The following DMD variants were observed in gnomAD, a reference collection of about 807,000 sequenced individuals.
The protein encoded by DMD is mutant dystrophin.
A neutral mutation model predicts 330.1 loss-of-function variants in DMD; 63 were observed. That is an observed-to-expected ratio of 0.19 (90% CI 0.16 to 0.24). The LOEUF is 0.24. DMD is among the 10% of genes least tolerant of loss of function. The pLI, the probability that DMD is intolerant of heterozygous loss-of-function variation, is 1.00. For synonymous variants in DMD, 1,223 were observed against 959.8 expected, an observed-to-expected ratio of 1.27 and a Z score of -5.07; for missense variants, 3,344 against 2,684.1, an observed-to-expected ratio of 1.25 and a Z score of -5.43.
At chrX:32,756,543 C>G (rs769521823) in intron 7 of DMD, 4 of 111,240 alleles carry the variant, frequency 3.6e-5, no homozygotes, top group Admixed American at 1.9e-4. Flanking sequence ...TATTATATGT[C>G]TTACGCATCT....
intron 49 of DMD, among the ~76,000 whole-genome samples, chrX:31,836,442 A>G (rs1246487180): frequency 1.8e-5 from 2 of 112,234 alleles, no homozygotes; most frequent in African/African-American, 3.2e-5. Flanking sequence ...AATTTAATCT[A>G]CCTTGAAGGT....
At chrX:31,698,183 C>T (rs918377767) in intron 52 of DMD, among the ~76,000 whole-genome samples, 1 of 111,591 alleles carries the variant, frequency 9.0e-6, no homozygotes, top group Non-Finnish European at 1.9e-5. Context: ...AGGTGAAAGG[C>T]TTAAATTGCA....
intron 74 of DMD, among the ~76,000 whole-genome samples, chrX:31,149,561 C>T (rs2037137215): frequency 8.9e-6 from 1 of 112,345 alleles, no homozygotes; most frequent in African/African-American, 3.2e-5. Flanking sequence ...ATAATTGAGT[C>T]TTCACATCCA....
intron 43 of DMD, among the ~76,000 whole-genome samples, chrX:32,252,834 AT>A (rs2097278619): frequency 5.1e-5 from 3 of 58,409 alleles, no homozygotes; most frequent in Admixed American, 2.8e-4. Context: ...ATATATATAA[AT>A]ATATATAAAT....
intron 55 of DMD, among the ~76,000 whole-genome samples, chrX:31,622,816 G>A (rs2078610354): frequency 1.0e-5 from 1 of 95,969 alleles, no homozygotes; most frequent in Non-Finnish European, 2.0e-5. Context: ...GCAAAGATAC[G>A]CTGAATTAAT....
intron 1 of DMD, among the ~76,000 whole-genome samples, chrX:33,175,307 T>C (rs2049590252): frequency 8.9e-6 from 1 of 112,390 alleles, no homozygotes; most frequent in African/African-American, 3.2e-5. Flanking sequence ...GTGGGATAAC[T>C]ACAAGGCCTG....
At chrX:32,581,377 G>A (rs1219568388) in intron 13 of DMD, among the ~76,000 whole-genome samples, 1 of 112,252 alleles carries the variant, frequency 8.9e-6, no homozygotes, top group African/African-American at 3.2e-5. Context: ...TAGAAAAACA[G>A]ACTAAGGATC....
intron 2 of DMD, among the ~76,000 whole-genome samples, chrX:32,855,364 C>G (rs753138064): frequency 3.1e-4 from 35 of 111,920 alleles, no homozygotes; most frequent in African/African-American, 1.1e-3. Flanking sequence ...AAGGAAGAAT[C>G]AAATGATCCT....
At chrX:32,733,483 C>A (rs1483065702) in intron 7 of DMD, among the ~76,000 whole-genome samples, 5 of 111,037 alleles carry the variant, frequency 4.5e-5, no homozygotes, top group Non-Finnish European at 7.5e-5. Flanking sequence ...CCACACCACA[C>A]CTATTCCACA....
intron 55 of DMD, among the ~76,000 whole-genome samples, chrX:31,543,822 C>T (rs1041055283): frequency 8.2e-5 from 9 of 110,399 alleles, no homozygotes; most frequent in Non-Finnish European, 1.7e-4. Context: ...AACAGTGAAC[C>T]GATAAGTATG....
intron 42 of DMD, among the ~76,000 whole-genome samples, chrX:32,306,999 A>G (rs1307538487): frequency 8.9e-6 from 1 of 111,768 alleles, no homozygotes; most frequent in Non-Finnish European, 1.9e-5. Flanking sequence ...TCCCTGAATG[A>G]GGGAGCAGCA....
rs754035822 is a variant in DMD at position 33,051,646 on chromosome X, A to ATTTTTTTTTTTT, written c.32-31458_32-31447dup. On this transcript the variant is annotated intron_variant, in intron 1 of 78. Transcript: ENST00000357033. Reference sequence around the variant, plus strand: ...TAAGGAAAATATATAATTACGCTCTATTTTTTTTTTTTTTTTTTTGAGACG... The same window carrying ATTTTTTTTTTTT: ...TAAGGAAAATATATAATTACGCTCTATTTTTTTTTTTTTTTTTTTTTTTTTTTTTTTGAGACG... Among the ~76,000 whole-genome samples the ATTTTTTTTTTTT allele has an allele frequency of 2.1e-4, 15 of 71,924 alleles. 2 individuals carry two copies. Among genetic ancestry groups the ATTTTTTTTTTTT allele is most frequent in the African/African-American group, 7.8e-4 (12 of 15,373 alleles). 62.5% of individuals were successfully genotyped at this position (71,924 alleles called of 115,157 possible). A position where few individuals can be genotyped will look rare whatever the true frequency, so the allele number is the denominator to read the frequency against.
chrX:32,911,276 G>A (rs113469577), intron 2 of DMD, among the ~76,000 whole-genome samples: 25 of 111,823 alleles, frequency 2.2e-4, no homozygotes, highest in African/African-American at 6.8e-4. Flanking sequence ...TGAAACTGGC[G>A]GTGGGAAAGA....
At chrX:31,822,385 G>C (rs765677116) in intron 49 of DMD, among the ~76,000 whole-genome samples, 3 of 112,024 alleles carry the variant, frequency 2.7e-5, no homozygotes, top group African/African-American at 9.7e-5. Flanking sequence ...TGGCTATCTA[G>C]ACTACAGTGT....
At chrX:32,549,369 C>A (rs961814188) in intron 16 of DMD, among the ~76,000 whole-genome samples, 1 of 111,678 alleles carries the variant, frequency 9.0e-6, no homozygotes, top group African/African-American at 3.3e-5. Flanking sequence ...TTGCCCAGGG[C>A]CCCTGCTCAG....
At chrX:33,087,917 A>G (rs1490983016) in intron 1 of DMD, among the ~76,000 whole-genome samples, 1 of 111,277 alleles carries the variant, frequency 9.0e-6, no homozygotes, top group Non-Finnish European at 1.9e-5. Context: ...GTCTATTGAA[A>G]TTCTAGATGT....
At chrX:32,651,003 C>A (rs764447846) in intron 9 of DMD, among the ~76,000 whole-genome samples, 1 of 111,890 alleles carries the variant, frequency 8.9e-6, no homozygotes, top group East Asian at 2.8e-4. Context: ...ACAAAGGTAA[C>A]TGGTGGTTCT....
At chrX:31,365,412 T>G (rs2059178154) in intron 60 of DMD, among the ~76,000 whole-genome samples, 1 of 112,133 alleles carries the variant, frequency 8.9e-6, no homozygotes, top group South Asian at 3.7e-4. Context: ...ATTTGTCCAC[T>G]GAAAGCTTTT....
chrX:31,391,481 C>T (rs749331319), intron 60 of DMD, among the ~76,000 whole-genome samples: 6 of 111,812 alleles, frequency 5.4e-5, no homozygotes, highest in African/African-American at 2.0e-4. Flanking sequence ...CTTGCAAATT[C>T]CTTGGCACGT....
Sources: gnomAD v4.1 joint callset for allele counts (sites outside exome capture counted in the v4.1 genomes callset) on GRCh38, gnomAD v4.1.1 for gene constraint, MANE v1.5 for transcripts, NCBI Gene and HGNC (gene_info 2026-07-23, HGNC 2026-07-21) for gene names.